SNTG1: variants seen among roughly 807,000 people sequenced by gnomAD.
The protein encoded by SNTG1 is gamma-1-syntrophin.
In SNTG1, 39 loss-of-function variants were observed where a neutral mutation model predicts 74.7. The ratio of observed to expected loss-of-function variants is 0.52; its 90% CI spans 0.40 to 0.68. The LOEUF is 0.68. Among genes scored for constraint, SNTG1 ranks in the 30% least tolerant of loss-of-function variants. SNTG1 has a pLI of 0.00. For missense variants in SNTG1, 685 were observed against 609.5 expected (o/e 1.12, Z -1.30); for synonymous variants, 254 against 217.1 (o/e 1.17, Z -1.49).
intron 1 of SNTG1, among the ~76,000 whole-genome samples, chr8:50,067,847 G>A (rs1000639): frequency 1.3e-5 from 2 of 151,972 alleles, no homozygotes; most frequent in Non-Finnish European, 2.9e-5. Flanking sequence ...CAGTACTCGG[G>A]CACACAGCCT....
intron 17 of SNTG1, among the ~76,000 whole-genome samples, chr8:50,727,474 T>G (rs1041560579): frequency 6.6e-5 from 10 of 152,184 alleles, no homozygotes; most frequent in African/African-American, 2.4e-4. Flanking sequence ...CAATATCCAC[T>G]GCAGTGCACA....
At chr8:50,502,913 C>G (rs1456571537) in intron 9 of SNTG1, 33 bp downstream of exon 9, 1 of 1,481,334 alleles carries the variant, frequency 6.8e-7, no homozygotes. Context: ...TAAAAGTGCT[C>G]ACATCATTAT....
At chr8:50,001,411 G>A (rs1814726686) in intron 1 of SNTG1, among the ~76,000 whole-genome samples, 1 of 152,092 alleles carries the variant, frequency 6.6e-6, no homozygotes, top group Admixed American at 6.6e-5. Flanking sequence ...GCCTTGAACT[G>A]CTAGAAACTA....
intron 13 of SNTG1, among the ~76,000 whole-genome samples, chr8:50,620,522 T>G (rs1387496028): frequency 6.6e-6 from 1 of 152,160 alleles, no homozygotes; most frequent in Non-Finnish European, 1.5e-5. Flanking sequence ...TGCTGTGATG[T>G]AGGAGTGAAG....
intron 11 of SNTG1, among the ~76,000 whole-genome samples, chr8:50,550,641 A>G (rs1046421879): frequency 7.2e-5 from 11 of 151,938 alleles, no homozygotes; most frequent in African/African-American, 2.2e-4. Context: ...ACAAGCCTGA[A>G]CAAAAAACTT....
At position 50,349,049 on chromosome 8, in the gene SNTG1, A is replaced by T. The variant is rs902776308; in HGVS notation, c.-27-45163A>T. On this transcript the variant is annotated intron_variant, in intron 2 of 18. Transcript: ENST00000642720. ...ATTTTGTATCTTCAAGAATATGAAG[A>T]ATCCCCAACATTAAGAGGTTTACTG... Among the ~76,000 whole-genome samples, 23 of 152,376 alleles carry T rather than the reference A, an allele frequency of 1.5e-4. 1 individual carries two copies. The highest frequency in any genetic ancestry group is 5.5e-4 in the African/African-American group (23 of 41,594).
chr8:50,251,847 C>T (rs749411904), intron 2 of SNTG1, among the ~76,000 whole-genome samples: 42 of 152,066 alleles, frequency 2.8e-4, no homozygotes, highest in Non-Finnish European at 4.3e-4. Flanking sequence ...TCAAACTATA[C>T]GATAGATCAA....
chr8:50,640,600 A>G (rs997034), intron 13 of SNTG1, among the ~76,000 whole-genome samples: 131,378 of 152,140 alleles, frequency 0.86, 56,922 homozygotes, highest in East Asian at 0.92. Flanking sequence ...ACACCTATCT[A>G]CCCATCCTGG....
At chr8:50,299,817 A>G (rs930766927) in intron 2 of SNTG1, among the ~76,000 whole-genome samples, 5 of 152,104 alleles carry the variant, frequency 3.3e-5, no homozygotes, top group Non-Finnish European at 7.4e-5. Context: ...CATATAGGAC[A>G]GAATAGGCCT....
At chr8:49,970,895 T>G (rs969698094) in intron 1 of SNTG1, among the ~76,000 whole-genome samples, 1 of 152,142 alleles carries the variant, frequency 6.6e-6, no homozygotes, top group African/African-American at 2.4e-5. Context: ...AACTCCCAGC[T>G]GGGTTCAGAT....
chr8:50,655,725 A>G (rs2095176064), intron 13 of SNTG1, among the ~76,000 whole-genome samples: 1 of 152,222 alleles, frequency 6.6e-6, no homozygotes, highest in Non-Finnish European at 1.5e-5. Context: ...CGACAGTAAT[A>G]TTTCAAATCT....
intron 15 of SNTG1, among the ~76,000 whole-genome samples, chr8:50,674,314 T>C (rs934784026): frequency 3.3e-5 from 5 of 152,142 alleles, no homozygotes; most frequent in Admixed American, 6.6e-5. Flanking sequence ...CTGGGCTTTT[T>C]TTGGTTGGTA....
chr8:50,756,004 T>C (rs1166369642), intron 18 of SNTG1, among the ~76,000 whole-genome samples: 1 of 151,846 alleles, frequency 6.6e-6, no homozygotes, highest in African/African-American at 2.4e-5. Flanking sequence ...TTAAGGTTTC[T>C]GGCCCATTTT....
intron 1 of SNTG1, among the ~76,000 whole-genome samples, chr8:50,116,054 A>C (rs2080810326): frequency 6.6e-6 from 1 of 152,164 alleles, no homozygotes; most frequent in African/African-American, 2.4e-5. Flanking sequence ...TGCTCAAGGC[A>C]CTTTTTGAAG....
chr8:50,128,673 A>T (rs1001038484), intron 1 of SNTG1, among the ~76,000 whole-genome samples: 2 of 152,152 alleles, frequency 1.3e-5, no homozygotes, highest in Non-Finnish European at 2.9e-5. Flanking sequence ...GAATAAAAAA[A>T]AATAATTGAA....
intron 1 of SNTG1, among the ~76,000 whole-genome samples, chr8:50,020,249 G>C (rs927402166): frequency 9.9e-5 from 15 of 152,048 alleles, no homozygotes; most frequent in African/African-American, 3.6e-4. Flanking sequence ...CATTTAATTA[G>C]AGAAGATAAC....
chr8:50,755,738 C>G (rs191557520), intron 18 of SNTG1, among the ~76,000 whole-genome samples: 1 of 151,818 alleles, frequency 6.6e-6, no homozygotes, highest in Non-Finnish European at 1.5e-5. Flanking sequence ...ATGAAAGTTG[C>G]TTTTGCTCCA....
At chr8:50,613,789 A>G (rs1052737989) in intron 13 of SNTG1, among the ~76,000 whole-genome samples, 3 of 152,152 alleles carry the variant, frequency 2.0e-5, no homozygotes, top group African/African-American at 7.2e-5. Flanking sequence ...TAGAAAAATG[A>G]AGACAACATA....
At chr8:50,077,993 C>T (rs1822050276) in intron 1 of SNTG1, among the ~76,000 whole-genome samples, 1 of 152,222 alleles carries the variant, frequency 6.6e-6, no homozygotes, top group South Asian at 2.1e-4. Context: ...TTTGTAATTA[C>T]ATCTATATGT....
Sources: allele counts gnomAD v4.1 joint callset (sites outside exome capture counted in the v4.1 genomes callset), GRCh38; gene constraint gnomAD v4.1.1; transcripts MANE v1.5; gene names NCBI Gene and HGNC (gene_info 2026-07-23, HGNC 2026-07-21).